MAML2: variants seen among roughly 807,000 people sequenced by gnomAD.
MAML2 encodes the protein mastermind like transcriptional coactivator 2.
In MAML2, 22 loss-of-function variants were observed where a neutral mutation model predicts 96.1. The ratio of observed to expected loss-of-function variants is 0.23; its 90% CI spans 0.16 to 0.33. The LOEUF (loss-of-function observed/expected upper bound fraction) is 0.33, where lower values mean the gene tolerates loss of function less well. MAML2 is among the 10% of genes least tolerant of loss of function. The probability of loss-of-function intolerance (pLI) is 1.00; values close to 1 mark genes in which losing one functional copy is unlikely to be tolerated. For synonymous variants in MAML2, 561 were observed against 521.3 expected, an observed-to-expected ratio of 1.08 and a Z score of -1.04; for missense variants, 1,367 against 1,392.4, an observed-to-expected ratio of 0.98 and a Z score of 0.29.
intron 1 of MAML2, among the ~76,000 whole-genome samples, chr11:96,273,733 A>C (rs557248329): frequency 3.3e-5 from 5 of 152,240 alleles, no homozygotes; most frequent in South Asian, 2.1e-4. Flanking sequence ...ATACTCCCTA[A>C]ATTATTGAGA....
intron 2 of MAML2, among the ~76,000 whole-genome samples, chr11:96,084,916 G>T (rs1859584012): frequency 1.3e-5 from 2 of 152,194 alleles, no homozygotes. Context: ...GTGGTTAAGG[G>T]TGGAGAGAAC....
At chr11:96,102,312 G>A (rs1454430340) in intron 1 of MAML2, among the ~76,000 whole-genome samples, 4 of 151,928 alleles carry the variant, frequency 2.6e-5, no homozygotes, top group Admixed American at 6.6e-5. Flanking sequence ...AAAAACCACT[G>A]TTTTCAATTA....
intron 1 of MAML2, among the ~76,000 whole-genome samples, chr11:96,178,701 A>G (rs550434418): frequency 6.6e-6 from 1 of 152,300 alleles, no homozygotes; most frequent in Non-Finnish European, 1.5e-5. Flanking sequence ...CTGCAGCACA[A>G]TATCTTATTA....
chr11:96,297,803 G>A (rs536169334), intron 1 of MAML2, among the ~76,000 whole-genome samples: 152 of 151,900 alleles, frequency 1.0e-3, no homozygotes, highest in African/African-American at 3.3e-3. Flanking sequence ...AGCAAATCCC[G>A]GCCATAATTT....
intron 1 of MAML2, among the ~76,000 whole-genome samples, chr11:96,148,296 G>A (rs1158952801): frequency 2.0e-5 from 3 of 152,146 alleles, no homozygotes; most frequent in Non-Finnish European, 4.4e-5. Flanking sequence ...TCTTTGGGGG[G>A]TTGTTTCAGA....
At chr11:95,997,755 C>T (rs1270291200) in intron 2 of MAML2, among the ~76,000 whole-genome samples, 1 of 152,214 alleles carries the variant, frequency 6.6e-6, no homozygotes, top group Non-Finnish European at 1.5e-5. Context: ...GGTCCCGAGC[C>T]CACTCTAAGG....
chr11:96,061,805 T>A (rs929533723), intron 2 of MAML2, among the ~76,000 whole-genome samples: 7 of 152,158 alleles, frequency 4.6e-5, no homozygotes, highest in South Asian at 2.1e-4. Flanking sequence ...CCTTTTTTTT[T>A]AATATCTTAA....
At chr11:96,184,805 G>A (rs1486460815) in intron 1 of MAML2, among the ~76,000 whole-genome samples, 3 of 152,054 alleles carry the variant, frequency 2.0e-5, no homozygotes, top group Admixed American at 2.0e-4. Context: ...TAGCCAGGAT[G>A]TTCTCGACCT....
At chr11:96,301,744 C>T (rs953976539) in intron 1 of MAML2, among the ~76,000 whole-genome samples, 5 of 152,190 alleles carry the variant, frequency 3.3e-5, no homozygotes, top group African/African-American at 1.2e-4. Flanking sequence ...AATTAATCAG[C>T]CACTTTATGA....
Position 96,092,026 on chromosome 11 carries a change from G to A in MAML2, c.2005C>T (p.Gln669Ter). ...TGGCTTGGTAGAGATTGGGCAGGCT[G>A]AGAAGATGGTTGTTGCTGCTGCTGC... ...QQQQQQQPSS[Q>*]PAQSLPSQPL... Residue 669 changes from glutamine to a stop codon, truncating the protein, a stop_gained, in exon 2 of 5, where the codon CAG becomes TAG. Coordinates refer to ENST00000524717, the MANE Select transcript of MAML2 (RefSeq NM_032427.4). LOFTEE classifies it high-confidence loss of function. The surrounding 1 kb of genome is among the most constrained non-coding windows in gnomAD (Gnocchi z 4.1). 1 of 1,565,950 alleles carries A rather than the reference G, an allele frequency of 6.4e-7. No homozygotes were observed. The highest frequency in any genetic ancestry group is 8.7e-7 in the Non-Finnish European group (1 of 1,154,640).
At chr11:96,017,482 G>A (rs1248583586) in intron 2 of MAML2, among the ~76,000 whole-genome samples, 1 of 151,364 alleles carries the variant, frequency 6.6e-6, no homozygotes, top group East Asian at 1.9e-4. Flanking sequence ...GGTTATAGTG[G>A]TAAATAAATC....
At chr11:96,000,495 C>T (rs1858063880) in intron 2 of MAML2, among the ~76,000 whole-genome samples, 1 of 152,120 alleles carries the variant, frequency 6.6e-6, no homozygotes, top group African/African-American at 2.4e-5. Flanking sequence ...GTTTCTTGAC[C>T]CTTGCTGTAC....
intron 2 of MAML2, among the ~76,000 whole-genome samples, chr11:96,084,912 A>G (rs577723408): frequency 6.6e-6 from 1 of 152,300 alleles, no homozygotes; most frequent in South Asian, 2.1e-4. Context: ...GCTAGTGGTT[A>G]AGGGTGGAGA....
intron 1 of MAML2, among the ~76,000 whole-genome samples, chr11:96,156,697 G>C (rs1039944828): frequency 1.3e-5 from 2 of 152,144 alleles, no homozygotes; most frequent in African/African-American, 2.4e-5. Flanking sequence ...CCTTAAGTTT[G>C]ACCAGAGGAA....
intron 1 of MAML2, among the ~76,000 whole-genome samples, chr11:96,211,369 G>C (rs1861968751): frequency 1.3e-5 from 2 of 150,804 alleles, no homozygotes; most frequent in African/African-American, 4.9e-5. Context: ...ATTGTCGTAA[G>C]TACATTACTT....
At chr11:96,243,549 C>G (rs1048937308) in intron 1 of MAML2, among the ~76,000 whole-genome samples, 22 of 152,228 alleles carry the variant, frequency 1.4e-4, no homozygotes, top group African/African-American at 5.1e-4. Context: ...ACAGCCTTTT[C>G]TCATCAGGCT....
chr11:96,027,483 A>T (rs1858543999), intron 2 of MAML2, among the ~76,000 whole-genome samples: 2 of 152,162 alleles, frequency 1.3e-5, no homozygotes, highest in Admixed American at 6.5e-5. Flanking sequence ...ACCTTAAGGA[A>T]CTCAGAGTTG....
At chr11:96,300,839 G>A (rs1863376096) in intron 1 of MAML2, among the ~76,000 whole-genome samples, 1 of 152,194 alleles carries the variant, frequency 6.6e-6, no homozygotes, top group African/African-American at 2.4e-5. Flanking sequence ...TGGTACCATA[G>A]AGTTGTATTA....
chr11:96,260,595 C>T (rs767879602), intron 1 of MAML2, among the ~76,000 whole-genome samples: 4 of 152,156 alleles, frequency 2.6e-5, no homozygotes, highest in Non-Finnish European at 5.9e-5. Context: ...CAATGTGATA[C>T]CTGCAGTTTA....
Sources: allele counts gnomAD v4.1 joint callset (sites outside exome capture counted in the v4.1 genomes callset), GRCh38; gene constraint gnomAD v4.1.1; non-coding constraint Gnocchi (gnomAD v3.1); transcripts MANE v1.5; gene names NCBI Gene and HGNC (gene_info 2026-07-23, HGNC 2026-07-21).